The following B4GALT4 variants were observed in gnomAD, a reference collection of about 807,000 sequenced individuals.
The protein encoded by B4GALT4 is beta-1,4-galactosyltransferase 4.
A neutral mutation model predicts 37.3 loss-of-function variants in B4GALT4; 27 were observed. The ratio of observed to expected loss-of-function variants is 0.72; its 90% CI spans 0.53 to 1.00. The LOEUF is 1.00. B4GALT4 is among the 50% of genes least tolerant of loss of function. The probability of loss-of-function intolerance (pLI) is 0.00; values close to 1 mark genes in which losing one functional copy is unlikely to be tolerated. For missense variants in B4GALT4, 372 were observed against 413.1 expected, an observed-to-expected ratio of 0.90 and a Z score of 0.86; for synonymous variants, 148 against 154.1, an observed-to-expected ratio of 0.96 and a Z score of 0.29.
chr3:119,237,650 G>A (rs1576947485), intron 1 of B4GALT4, among the ~76,000 whole-genome samples: 2 of 152,182 alleles, frequency 1.3e-5, no homozygotes, highest in African/African-American at 4.8e-5. Context: ...CAATCTTTCA[G>A]ATATGTTAGT....
intron 2 of B4GALT4, among the ~76,000 whole-genome samples, chr3:119,231,760 T>C (rs895901367): frequency 2.1e-5 from 3 of 141,360 alleles, no homozygotes; most frequent in African/African-American, 5.3e-5. Context: ...TTATAAATTT[T>C]ATTTTATTTA....
chr3:119,216,166 C>A, intron 7 of B4GALT4, 74 bp downstream of exon 7: 3 of 1,213,018 alleles, frequency 2.5e-6, no homozygotes, highest in East Asian at 2.5e-5. Context: ...CAAATCTGAT[C>A]GAATTCAACA....
chr3:119,216,464 ACACACAC>A, intron 6 of B4GALT4, 120 bp from the exon 7 acceptor site: 1 of 465,320 alleles, frequency 2.1e-6, no homozygotes, highest in South Asian at 5.2e-5. Flanking sequence ...ACACACACAC[ACACACAC>A]AGTGTCACAA....
At position 119,212,081 on chromosome 3, in the gene B4GALT4, C is replaced by G. The variant is rs1402886495; in HGVS notation, c.*468G>C. On this transcript the variant is annotated 3_prime_UTR_variant, in exon 8 of 8. Coordinates refer to ENST00000393765, the MANE Select transcript of B4GALT4 (RefSeq NM_003778.4). ...GTGGACGCCTTCTCACCTGACACCA[C>G]CACTTCACAGATGATTGTACAGGAT... The G allele has an allele frequency of 1.4e-6, 1 of 696,452 alleles. No individual in the cohort carries two copies. Among genetic ancestry groups the G allele is most frequent in the Non-Finnish European group, 2.6e-6 (1 of 380,742 alleles). The allele number at this position is 696,452 out of a possible 1,614,324, so 43.1% of individuals were successfully genotyped here.
intron 5 of B4GALT4, 100 bp downstream of exon 5, chr3:119,223,958 T>C (rs1033893323): frequency 3.1e-6 from 4 of 1,295,530 alleles, no homozygotes; most frequent in Non-Finnish European, 4.1e-6. Context: ...TTTTTTCTAT[T>C]TCTCATTTTC....
Position 119,229,848 on chromosome 3 carries a change from G to A in B4GALT4, c.252C>T (p.Leu84=), listed in dbSNP as rs201212531. ...LDNCPSVSPY[L]RGQSKLIFKP... ...TCAAAGGAAAAAAGCAACACTTACT[G>A]AGGTAAGGAGACACAGAAGGGCAGT... Residue 84 remains leucine (L), a splice_region_variant and synonymous_variant, in exon 3 of 8, where the codon CTC becomes CTT. Coordinates refer to ENST00000393765, the MANE Select transcript of B4GALT4 (RefSeq NM_003778.4). The A allele has an allele frequency of 2.5e-6, 4 of 1,613,684 alleles. No individual in the cohort carries two copies. The East Asian group carries it at 6.7e-5, about 27-fold the overall frequency.
chr3:119,233,026 T>C (rs969288835), intron 2 of B4GALT4: 2 of 152,452 alleles, frequency 1.3e-5, no homozygotes, highest in Non-Finnish European at 2.9e-5. Context: ...CAGGCTGGTC[T>C]TGAACTCCTG....
chr3:119,223,942 G>T, intron 5 of B4GALT4, 116 bp downstream of exon 5: 1 of 1,159,314 alleles, frequency 8.6e-7, no homozygotes, highest in Non-Finnish European at 1.2e-6. Context: ...CATACATTAT[G>T]GACCATTTTT....
At chr3:119,219,952 A>AT (rs2078401505) in intron 5 of B4GALT4, among the ~76,000 whole-genome samples, 1 of 152,196 alleles carries the variant, frequency 6.6e-6, no homozygotes, top group Admixed American at 6.5e-5. Context: ...AATATTTATG[A>AT]TTTTCTAGAT....
Position 119,226,884 on chromosome 3 carries a change from C to T in B4GALT4, c.411G>A (p.Leu137=). 1 of 1,614,184 alleles carries T rather than the reference C, an allele frequency of 6.2e-7. No individual in the cohort carries two copies. Among genetic ancestry groups the T allele is most frequent in the Non-Finnish European group, 8.5e-7 (1 of 1,180,034 alleles). The change falls in exon 4 of 8, where the codon CTG becomes CTA. Residue 137 remains leucine, a synonymous_variant. Transcript: ENST00000393765. ...LVPHRNREKH[L]MYLLEHLHPF... ...GATGCAGATGTTCCAGCAGGTACATCAGGTGTTTCTCTCTGTTCCGGTGGG... is the reference window on the plus strand; with the variant it reads ...GATGCAGATGTTCCAGCAGGTACATTAGGTGTTTCTCTCTGTTCCGGTGGG...
At chr3:119,220,616 G>A (rs1484987684) in intron 5 of B4GALT4, among the ~76,000 whole-genome samples, 2 of 152,186 alleles carry the variant, frequency 1.3e-5, no homozygotes, top group Non-Finnish European at 2.9e-5. Context: ...AAGCACAGGA[G>A]GGAGAAAGAC....
Position 119,224,090 on chromosome 3 carries a change from A to C in B4GALT4, c.642T>G (p.His214Gln). The C allele has an allele frequency of 6.2e-7, 1 of 1,613,690 alleles. No homozygotes were observed. The highest frequency in any genetic ancestry group is 8.5e-7 in the Non-Finnish European group (1 of 1,179,870). ...CAGTGCTGTTCCTGCCAACCACCAG[A>C]TGCTTGGGATGCTCCTCACACTTGT... ...NLYKCEEHPKHLVVGRNSTGY... is the reference protein window; with the variant it reads ...NLYKCEEHPKQLVVGRNSTGY... The change falls in exon 5 of 8, where the codon CAT becomes CAG. Residue 214 changes from histidine to glutamine, a missense_variant. Physicochemically the swap from His to Gln is conservative, Grantham distance 24. Coordinates refer to ENST00000393765, the MANE Select transcript of B4GALT4 (RefSeq NM_003778.4).
intron 3 of B4GALT4, 130 bp downstream of exon 3, chr3:119,229,715 GTA>G: frequency 2.1e-6 from 2 of 964,122 alleles, no homozygotes; most frequent in Non-Finnish European, 3.0e-6. Flanking sequence ...TTATTTGAAT[GTA>G]TAGTTTTTGT....
chr3:119,214,677 T>C (rs1296000594), intron 7 of B4GALT4: 1 of 152,246 alleles, frequency 6.6e-6, no homozygotes, highest in African/African-American at 2.4e-5. Context: ...CTCTTTATTC[T>C]GCCTTTCCTA....
At chr3:119,216,453 C>CACACACACAT in intron 6 of B4GALT4, 109 bp from the exon 7 acceptor site, 1 of 586,116 alleles carries the variant, frequency 1.7e-6, no homozygotes, top group Non-Finnish European at 2.9e-6. Flanking sequence ...CATACACACA[C>CACACACACAT]ACACACACAC....
intron 7 of B4GALT4, 85 bp from the exon 8 acceptor site, chr3:119,212,766 C>T: frequency 2.3e-6 from 3 of 1,295,384 alleles, no homozygotes; most frequent in Non-Finnish European, 3.1e-6. Flanking sequence ...ATGTGGCAAA[C>T]ATATTTTTGT....
rs1559916585 is a variant in B4GALT4 at position 119,218,758 on chromosome 3, C to A, written c.689G>T (p.Gly230Val). The A allele has an allele frequency of 6.2e-7, 1 of 1,614,084 alleles. No homozygotes were observed. The highest frequency in any genetic ancestry group is 8.5e-7 in the Non-Finnish European group (1 of 1,180,004). Residue 230 changes from glycine (G) to valine (V), a missense_variant, in exon 6 of 8, where the codon GGA becomes GTA. By Grantham distance (109) the Gly-to-Val change is moderately radical. Coordinates refer to ENST00000393765, the MANE Select transcript of B4GALT4 (RefSeq NM_003778.4). ...NSTGYRLRYS[G>V]YFGGVTALSR... The stretch of plus-strand genomic sequence containing the variant: ...TAGGGCAGTAACACCCCCAAAATAT[C>A]CACTGTAACGTAACCTGGAGCAAAA...
At chr3:119,225,583 A>AT (rs2078590267) in intron 4 of B4GALT4, among the ~76,000 whole-genome samples, 2 of 146,780 alleles carry the variant, frequency 1.4e-5, no homozygotes, top group African/African-American at 5.1e-5. Context: ...TTTTTTTAGT[A>AT]TTTTAACAGA....
intron 7 of B4GALT4, chr3:119,214,389 C>G (rs1168429284): frequency 6.6e-6 from 1 of 152,178 alleles, no homozygotes; most frequent in African/African-American, 2.4e-5. Context: ...CAATCAAAGC[C>G]TCATAAGAAC....
Sources: gnomAD v4.1 joint callset for allele counts (sites outside exome capture counted in the v4.1 genomes callset) on GRCh38, gnomAD v4.1.1 for gene constraint, MANE v1.5 for transcripts, NCBI Gene and HGNC (gene_info 2026-07-23, HGNC 2026-07-21) for gene names.